SWAP70: variants seen among roughly 807,000 people sequenced by gnomAD.
The protein encoded by SWAP70 is switching B cell complex subunit SWAP70.
SWAP70 carries 34 observed loss-of-function variants against 80.2 expected under a neutral mutation model. The observed-to-expected ratio is 0.42, with a 90% CI of 0.32 to 0.56. The LOEUF is 0.56. Ranked by LOEUF, SWAP70 falls within the 20% of genes least tolerant of loss-of-function variation. The pLI is 0.09. For missense variants in SWAP70, 578 were observed against 690.7 expected (o/e 0.84, Z 1.83); for synonymous variants, 239 against 238.5 (o/e 1.00, Z -0.02).
intron 1 of SWAP70, among the ~76,000 whole-genome samples, chr11:9,690,692 G>T (rs190439083): frequency 6.6e-6 from 1 of 151,916 alleles, no homozygotes; most frequent in South Asian, 2.1e-4. Flanking sequence ...TTTGAGACCC[G>T]CCTGGGCACA....
chr11:9,675,342 G>GAGAGA (rs1565111624), intron 1 of SWAP70, among the ~76,000 whole-genome samples: 5 of 11,920 alleles, frequency 4.2e-4, no homozygotes, highest in East Asian at 2.8e-3. Flanking sequence ...AGAGAGAGAG[G>GAGAGA]GAGCGAGAGA....
At chr11:9,670,515 A>G (rs1330977104) in intron 1 of SWAP70, among the ~76,000 whole-genome samples, 1 of 151,790 alleles carries the variant, frequency 6.6e-6, no homozygotes, top group Non-Finnish European at 1.5e-5. Context: ...ATTCCTGGGA[A>G]AATTTGGGGT....
intron 2 of SWAP70, among the ~76,000 whole-genome samples, chr11:9,710,668 T>A (rs950433457): frequency 6.6e-5 from 10 of 151,994 alleles, no homozygotes; most frequent in Non-Finnish European, 1.2e-4. Flanking sequence ...TTTTTTTTTT[T>A]TAATTTTCAA....
At chr11:9,675,737 C>A (rs1242958672) in intron 1 of SWAP70, among the ~76,000 whole-genome samples, 1 of 150,710 alleles carries the variant, frequency 6.6e-6, no homozygotes, top group Non-Finnish European at 1.5e-5. Flanking sequence ...CTCCTGCATT[C>A]CCTGTAATCT....
At position 9,668,380 on chromosome 11, in the gene SWAP70, C is replaced by T. The variant is rs140859484; in HGVS notation, c.99+4102C>T. Among the ~76,000 whole-genome samples the T allele has an allele frequency of 9.0e-3, 1,370 of 152,336 alleles. 13 individuals carry two copies. The highest frequency in any genetic ancestry group is 0.032 in the South Asian group (152 of 4,824). On this transcript the variant is annotated intron_variant, in intron 1 of 11. Coordinates refer to ENST00000318950, the MANE Select transcript of SWAP70 (RefSeq NM_015055.4). ...TTTCACCCACAGTATGTTGATAATG[C>T]AACTGTGCAATTGTATTTTGTCTCT...
intron 1 of SWAP70, among the ~76,000 whole-genome samples, chr11:9,673,042 C>T (rs1850439697): frequency 6.6e-6 from 1 of 152,156 alleles, no homozygotes; most frequent in African/African-American, 2.4e-5. Context: ...GCAATCAGTT[C>T]TGCAGTGGAC....
intron 3 of SWAP70, among the ~76,000 whole-genome samples, chr11:9,719,033 G>T (rs1388030320): frequency 1.3e-5 from 2 of 149,560 alleles, no homozygotes; most frequent in African/African-American, 5.0e-5. Context: ...GGCAGACATT[G>T]TAGTGAGCTG....
chr11:9,685,191 A>G (rs542364441), intron 1 of SWAP70, among the ~76,000 whole-genome samples: 299 of 149,710 alleles, frequency 2.0e-3, no homozygotes, highest in African/African-American at 7.1e-3. Flanking sequence ...TCGGCCTGCC[A>G]CAACCTCCAT....
intron 1 of SWAP70, among the ~76,000 whole-genome samples, chr11:9,682,808 C>G (rs545956795): frequency 3.0e-4 from 45 of 152,268 alleles, no homozygotes; most frequent in African/African-American, 1.0e-3. Flanking sequence ...TCCCAAGTAG[C>G]TGGGATTACA....
At chr11:9,733,587 A>G (rs1251960590) in intron 7 of SWAP70, among the ~76,000 whole-genome samples, 1 of 152,224 alleles carries the variant, frequency 6.6e-6, no homozygotes, top group East Asian at 1.9e-4. Context: ...ATAATCTTAG[A>G]AAAAGTTATT....
intron 1 of SWAP70, among the ~76,000 whole-genome samples, chr11:9,672,250 G>C (rs1310317041): frequency 9.0e-6 from 1 of 111,518 alleles, no homozygotes; most frequent in Non-Finnish European, 1.7e-5. Flanking sequence ...AATCAGGTTG[G>C]TTCTTCCTTT....
chr11:9,733,525 T>G lies in SWAP70; in HGVS notation c.1080+815T>G, dbSNP rs78617712. On this transcript the variant is annotated intron_variant, in intron 7 of 11. Coordinates refer to ENST00000318950, the MANE Select transcript of SWAP70 (RefSeq NM_015055.4). ...ACTTCCTCTGAGTAGAGTAGACTCA[T>G]GAAGATTTTTAAGAATGCTTTTATA... Among the ~76,000 whole-genome samples the G allele has an allele frequency of 5.4e-3, 821 of 152,330 alleles. 7 individuals are homozygous for G. The highest frequency in any genetic ancestry group is 0.019 in the African/African-American group (772 of 41,582).
chr11:9,731,424 C>T (rs1445344762), intron 6 of SWAP70, among the ~76,000 whole-genome samples: 1 of 152,102 alleles, frequency 6.6e-6, no homozygotes, highest in African/African-American at 2.4e-5. Context: ...GCATTCTTCC[C>T]AGGGTTGTGG....
chr11:9,732,335 G>A (rs1384793096), intron 6 of SWAP70, among the ~76,000 whole-genome samples, 194 bp from the exon 7 acceptor site: 1 of 151,962 alleles, frequency 6.6e-6, no homozygotes, highest in Non-Finnish European at 1.5e-5. Flanking sequence ...ATTTCTTGAG[G>A]GGAGCTCTGA....
chr11:9,725,731 C>T (rs1447503817), intron 4 of SWAP70, among the ~76,000 whole-genome samples: 1 of 151,666 alleles, frequency 6.6e-6, no homozygotes, highest in Non-Finnish European at 1.5e-5. Flanking sequence ...GCCACCACGT[C>T]CAGCTAGCTT....
In SWAP70 at chr11:9,716,849, C is replaced by T. The variant is rs117738107; in HGVS notation, c.414+3210C>T. Among the ~76,000 whole-genome samples the T allele has an allele frequency of 3.9e-5, 6 of 152,244 alleles. No homozygotes were observed. In the East Asian group the frequency reaches 1.2e-3, roughly 29 times the overall value. On this transcript the variant is annotated intron_variant, in intron 3 of 11. Transcript: ENST00000318950. ...CAGGGAGGAAGACTGTAGTTGGAGA[C>T]ATGAGTGCCAAGGACGGAACCTTGG...
chr11:9,710,778 C>A (rs1850987096), intron 2 of SWAP70, among the ~76,000 whole-genome samples: 1 of 151,252 alleles, frequency 6.6e-6, no homozygotes, highest in Admixed American at 6.6e-5. Flanking sequence ...CACCTGGGTA[C>A]AAGCAATCCT....
intron 1 of SWAP70, among the ~76,000 whole-genome samples, chr11:9,685,275 A>T (rs1394398363): frequency 6.6e-6 from 1 of 152,150 alleles, no homozygotes; most frequent in Admixed American, 6.6e-5. Flanking sequence ...TATCAACTTT[A>T]TAGTTCTACA....
intron 7 of SWAP70, among the ~76,000 whole-genome samples, chr11:9,736,760 C>G (rs1386265734): frequency 2.0e-5 from 3 of 152,162 alleles, no homozygotes; most frequent in African/African-American, 7.2e-5. Context: ...TAATTTTGTT[C>G]TGTTGTTCTC....
Sources: allele counts gnomAD v4.1 joint callset (sites outside exome capture counted in the v4.1 genomes callset), GRCh38; gene constraint gnomAD v4.1.1; transcripts MANE v1.5; gene names NCBI Gene and HGNC (gene_info 2026-07-23, HGNC 2026-07-21).